The following LRRC15 variants were observed in gnomAD, a reference collection of about 807,000 sequenced individuals.
LRRC15 encodes leucine rich repeat containing 15.
In LRRC15, 5 loss-of-function variants were observed where a neutral mutation model predicts 4.3. That is an observed-to-expected ratio of 1.16 (90% CI 0.61 to 2.44). LRRC15 has a LOEUF of 2.44. Among genes scored for constraint, LRRC15 ranks in the 30% most tolerant of loss-of-function variants. LRRC15 has a pLI of 0.01. For missense variants in LRRC15, 769 were observed against 747.0 expected (o/e 1.03, Z -0.34); for synonymous variants, 337 against 323.2 (o/e 1.04, Z -0.46).
At chr3:194,365,996 G>C (rs1713762501) in intron 1 of LRRC15, among the ~76,000 whole-genome samples, 1 of 152,214 alleles carries the variant, frequency 6.6e-6, no homozygotes, top group African/African-American at 2.4e-5. Flanking sequence ...CCCAGTCATG[G>C]CCTTGTCTGC....
In LRRC15 at chr3:194,359,104, T is replaced by G; in HGVS notation, c.*194A>C. ...TGGCCAGTTGGATCTATCTTCCTGA[T>G]TGTAGGAAGGTCCGGCACGACCTGC... On this transcript the variant is annotated 3_prime_UTR_variant, in exon 2 of 2. Coordinates refer to ENST00000347624, the MANE Select transcript of LRRC15 (RefSeq NM_130830.5). The G allele has an allele frequency of 5.7e-6, 3 of 522,484 alleles. No homozygotes were observed. The highest frequency in any genetic ancestry group is 3.1e-5 in the East Asian group (1 of 32,074). The allele number at this position is 522,484 out of a possible 1,614,324, so 32.4% of individuals were successfully genotyped here. A position where few individuals can be genotyped will look rare whatever the true frequency, so the allele number is the denominator to read the frequency against.
In LRRC15 at chr3:194,357,329, A is replaced by G. The variant is rs1434704381; in HGVS notation, c.*1969T>C. 6.6e-6 allele frequency: 1 copy of G among 150,690 alleles called. No homozygotes were observed. Among genetic ancestry groups the G allele is most frequent in the Non-Finnish European group, 1.5e-5 (1 of 67,758 alleles). The allele number at this position is 150,690 out of a possible 1,614,324, so 9.3% of individuals were successfully genotyped here. A position where few individuals can be genotyped will look rare whatever the true frequency, so the allele number is the denominator to read the frequency against. ...GGGGAGCTAATAAGAGCCGATCGGG[A>G]TTGGTGGTGGATTTCCAAAGCACAG... On this transcript the variant is annotated 3_prime_UTR_variant, in exon 2 of 2. Transcript: ENST00000347624.
At position 194,359,325 on chromosome 3, in the gene LRRC15, C is replaced by T. The variant is rs1403712548; in HGVS notation, c.1719G>A (p.Met573Ile). The change falls in exon 2 of 2, where the codon ATG becomes ATA. Residue 573 changes from methionine (M) to isoleucine (I), a missense_variant. Transcript: ENST00000347624. ...CCKKRSQAVL[M>I]QMKAPNEC ...AACACTCATTGGGTGCCTTCATCTG[C>T]ATCAGGACAGCTTGGCTCCTCTTCT... 1 of 1,608,424 alleles carries T rather than the reference C, an allele frequency of 6.2e-7. No homozygotes were observed.
rs1713499395 is a variant in LRRC15, at chr3:194,358,574, T to A, written c.*724A>T. On this transcript the variant is annotated 3_prime_UTR_variant, in exon 2 of 2. Transcript: ENST00000347624. ...TCCTTCTCTAAAAGGCTGAGCTTGC[T>A]GTGCTGGGGTGTTTCTTCCTTTTCC... The A allele has an allele frequency of 6.6e-6, 1 of 152,602 alleles. No homozygotes were observed. Among genetic ancestry groups the A allele is most frequent in the Non-Finnish European group, 1.5e-5 (1 of 68,040 alleles). 9.5% of individuals were successfully genotyped at this position (152,602 alleles called of 1,614,324 possible).
At chr3:194,363,783 T>A (rs1268736927) in intron 1 of LRRC15, among the ~76,000 whole-genome samples, 1 of 152,076 alleles carries the variant, frequency 6.6e-6, no homozygotes, top group Non-Finnish European at 1.5e-5. Context: ...AAACAGAACA[T>A]CTGAGCATCC....
rs767816742 is a variant in LRRC15, at chr3:194,359,942, G to T, written c.1102C>A (p.Gln368Lys). Residue 368 changes from glutamine (Q) to lysine (K), a missense_variant, in exon 2 of 2, where the codon CAG (glutamine) becomes AAG (lysine). Transcript: ENST00000347624. Reference protein sequence around the residue: ...GNVFRMLANLQNISLQNNRLR... With the variant: ...GNVFRMLANLKNISLQNNRLR... The stretch of plus-strand genomic sequence containing the variant: ...CGGTTGTTCTGCAGGGAGATGTTCT[G>T]CAGGTTGGCCAACATGCGGAAGACG... The T allele has an allele frequency of 2.1e-5, 34 of 1,614,076 alleles. No homozygotes were observed. The highest frequency in any genetic ancestry group is 1.6e-4 in the Middle Eastern group (1 of 6,084).
chr3:194,369,262 CTTAAAAAGAGAAG>C (rs773997191), intron 1 of LRRC15, among the ~76,000 whole-genome samples: 1 of 152,250 alleles, frequency 6.6e-6, no homozygotes, highest in East Asian at 1.9e-4. Flanking sequence ...TAATCTGAAC[CTTAAAAAGAGAAG>C]TTCTTCCCCC....
chr3:194,360,333 G>A lies in LRRC15; in HGVS notation c.711C>T (p.Ser237=), dbSNP rs773892994. 3 of 1,614,130 alleles carry A rather than the reference G, an allele frequency of 1.9e-6. No individual in the cohort carries two copies. The highest frequency in any genetic ancestry group is 2.5e-6 in the Non-Finnish European group (3 of 1,180,018). Residue 237 remains serine (S), a synonymous_variant, in exon 2 of 2, where the codon TCC becomes TCT. Coordinates refer to ENST00000347624, the MANE Select transcript of LRRC15 (RefSeq NM_130830.5). ...ALQQNQIGLL[S]PGLFHNNHNL... ...TGTGGTTGTTGTGGAAGAGACCAGG[G>A]GAGAGCAGTCCAATCTGGTTCTGCT... is the stretch of plus-strand genomic sequence containing the variant.
rs763608005 is a variant in LRRC15 at position 194,360,720 on chromosome 3, G to A, written c.324C>T (p.Leu108=). The A allele has an allele frequency of 4.2e-5, 67 of 1,614,106 alleles. No homozygotes were observed. In the South Asian group the frequency reaches 5.6e-4, roughly 13 times the overall value. ...GCAGAACCTGCAGCTTGTTGTTGGC[G>A]AGGCTGAGATAGCGCAGCGAGCCCA... The part of the protein sequence containing the change: ...RNLGSLRYLS[L]ANNKLQVLPI... Residue 108 remains leucine (L), a synonymous_variant, in exon 2 of 2, where the codon CTC becomes CTT. Transcript: ENST00000347624.
chr3:194,362,163 G>A (rs1393608725), intron 1 of LRRC15, among the ~76,000 whole-genome samples: 1 of 145,634 alleles, frequency 6.9e-6, no homozygotes, highest in Non-Finnish European at 1.5e-5. Context: ...TGTGTAAAAT[G>A]TAGAGATATG....
At chr3:194,362,952 T>G (rs945902522) in intron 1 of LRRC15, among the ~76,000 whole-genome samples, 2 of 148,008 alleles carry the variant, frequency 1.4e-5, no homozygotes, top group African/African-American at 5.0e-5. Context: ...TTTTTTTTTT[T>G]TTTTTTTGAG....
intron 1 of LRRC15, among the ~76,000 whole-genome samples, chr3:194,366,571 C>T (rs1713785213): frequency 1.3e-5 from 2 of 152,140 alleles, no homozygotes; most frequent in Admixed American, 6.6e-5. Flanking sequence ...TGTCACTGAC[C>T]GCTGAGAACG....
chr3:194,367,103 G>A (rs1713804553), intron 1 of LRRC15, among the ~76,000 whole-genome samples: 1 of 152,128 alleles, frequency 6.6e-6, no homozygotes, highest in Admixed American at 6.5e-5. Flanking sequence ...CAGGCTGCAT[G>A]GGTTCAGGGA....
rs1317779373 is a variant in LRRC15, at chr3:194,358,297, G to A, written c.*1001C>T. ...GTCTAGATGCTGATTACACAGGTATGTTCAGTTTGTGAAAATCCACCAAGC... is the reference window on the plus strand; with the variant it reads ...GTCTAGATGCTGATTACACAGGTATATTCAGTTTGTGAAAATCCACCAAGC... On this transcript the variant is annotated 3_prime_UTR_variant, in exon 2 of 2. Transcript: ENST00000347624. 6 of 152,204 alleles carry A rather than the reference G, an allele frequency of 3.9e-5. No homozygotes were observed. The highest frequency in any genetic ancestry group is 1.5e-5 in the Non-Finnish European group (1 of 68,050). The allele number at this position is 152,204 out of a possible 1,614,324, so 9.4% of individuals were successfully genotyped here.
chr3:194,368,528 T>TATG (rs1713845518), intron 1 of LRRC15, among the ~76,000 whole-genome samples: 1 of 152,146 alleles, frequency 6.6e-6, no homozygotes, highest in Non-Finnish European at 1.5e-5. Flanking sequence ...ATGTTCAGTC[T>TATG]CTGCAGAATG....
chr3:194,366,005 G>A (rs1395550705), intron 1 of LRRC15, among the ~76,000 whole-genome samples: 1 of 152,184 alleles, frequency 6.6e-6, no homozygotes, highest in East Asian at 1.9e-4. Flanking sequence ...GGCCTTGTCT[G>A]CAGAGAGATG....
Position 194,360,765 on chromosome 3 carries a change from C to A in LRRC15, c.279G>T (p.Thr93=). ...AGCCCAGGTTTCGGAAGGCCCCAGG[C>A]GTGATGCGCGACAGCTCATTCTTCT... ...RIEKNELSRI[T]PGAFRNLGSL... Residue 93 remains threonine, a synonymous_variant, in exon 2 of 2, where the codon ACG becomes ACT. Transcript: ENST00000347624. The A allele has an allele frequency of 2.5e-6, 4 of 1,614,170 alleles. No homozygotes were observed. The highest frequency in any genetic ancestry group is 3.4e-6 in the Non-Finnish European group (4 of 1,180,028).
At position 194,358,342 on chromosome 3, in the gene LRRC15, A is replaced by C. The variant is rs1190191487; in HGVS notation, c.*956T>G. On this transcript the variant is annotated 3_prime_UTR_variant, in exon 2 of 2. Coordinates refer to ENST00000347624, the MANE Select transcript of LRRC15 (RefSeq NM_130830.5). ...CCAAGCCATACACTATCATGTTCCC[A>C]CTTTTCTGCACGTACACTTCACATG... 1.3e-5 allele frequency: 2 copies of C among 152,196 alleles called. No individual in the cohort carries two copies. Among genetic ancestry groups the C allele is most frequent in the African/African-American group, 4.8e-5 (2 of 41,430 alleles). The allele number at this position is 152,196 out of a possible 1,614,324, so 9.4% of individuals were successfully genotyped here. A position where few individuals can be genotyped will look rare whatever the true frequency, so the allele number is the denominator to read the frequency against.
chr3:194,368,273 A>C (rs1577002694), intron 1 of LRRC15, among the ~76,000 whole-genome samples: 1 of 151,278 alleles, frequency 6.6e-6, no homozygotes, highest in South Asian at 2.1e-4. Flanking sequence ...CTCCTCCCCC[A>C]CCCCTTATTC....
Sources: allele counts gnomAD v4.1 joint callset (sites outside exome capture counted in the v4.1 genomes callset), GRCh38; gene constraint gnomAD v4.1.1; transcripts MANE v1.5; gene names NCBI Gene and HGNC (gene_info 2026-07-23, HGNC 2026-07-21).